Variants in HELT observed in about 807,000 individuals in gnomAD.
The protein encoded by HELT is hairy and enhancer of split-related protein HELT.
Under a neutral mutation model 19.5 loss-of-function variants are expected in HELT, and 9 were observed. The ratio of observed to expected loss-of-function variants is 0.46; its 90% confidence interval spans 0.28 to 0.80. The LOEUF (loss-of-function observed/expected upper bound fraction) is 0.80. Ranked by LOEUF, HELT falls within the 30% of genes least tolerant of loss-of-function variation. The probability of loss-of-function intolerance (pLI) is 0.12; values close to 1 mark genes in which losing one functional copy is unlikely to be tolerated. For missense variants in HELT, 366 were observed against 326.3 expected (o/e 1.12, Z -0.94); for synonymous variants, 162 against 148.3 (o/e 1.09, Z -0.67).
At chr4:185,020,225 A>T in intron 3 of HELT, 48 bp from the exon 4 acceptor site, 1 of 1,582,132 alleles carries the variant, frequency 6.3e-7, no homozygotes, top group Non-Finnish European at 8.6e-7. Context: ...CGCGTGGGGA[A>T]GGGGCACTCA....
At position 185,018,698 on chromosome 4, in the gene HELT, A is replaced by C; in HGVS notation, c.-231A>C. On this transcript the variant is annotated 5_prime_UTR_variant, in exon 1 of 4. Coordinates refer to ENST00000515777, the MANE Select transcript of HELT (RefSeq NM_001300781.2). ...GGCTGCTAATTTTTTTTTTTTCTTAACTTCTTTAAAACTGATCTTGAATGC... is the reference window on the plus strand; with the variant it reads ...GGCTGCTAATTTTTTTTTTTTCTTACCTTCTTTAAAACTGATCTTGAATGC... 1 of 401,704 alleles carries C rather than the reference A, an allele frequency of 2.5e-6. No individual in the cohort carries two copies. The highest frequency in any genetic ancestry group is 1.3e-4 in the South Asian group (1 of 7,840). The allele number at this position is 401,704 out of a possible 1,614,324, so 24.9% of individuals were successfully genotyped here. A position where few individuals can be genotyped will look rare whatever the true frequency, so the allele number is the denominator to read the frequency against.
rs746366895 is a variant in HELT, at chr4:185,020,580, G to T, written c.537G>T (p.Pro179=). 5 of 1,593,538 alleles carry T rather than the reference G, an allele frequency of 3.1e-6. No individual in the cohort carries two copies. The South Asian group carries it at 4.4e-5, about 14-fold the overall frequency. ...CTGGTGCCGGGCCTTTCCCCTGGCCGCCTGGCGCGGCCCGCAGCCCCGCGC... is the reference window on the plus strand; with the variant it reads ...CTGGTGCCGGGCCTTTCCCCTGGCCTCCTGGCGCGGCCCGCAGCCCCGCGC... ...QGSGAGPFPW[P]PGAARSPALP... The change falls in exon 4 of 4, where the codon CCG becomes CCT. Residue 179 remains proline, a synonymous_variant. Transcript: ENST00000515777.
rs1204640700 is a variant in HELT, at chr4:185,020,842, C to T, written c.*70C>T. ...GGAGAAATGCTGTATATATTGTACA[C>T]ATAATGTGTAAATATTGTACCCCAA... On this transcript the variant is annotated 3_prime_UTR_variant, in exon 4 of 4. Transcript: ENST00000515777. 3 of 1,450,832 alleles carry T rather than the reference C, an allele frequency of 2.1e-6. No individual in the cohort carries two copies. Among genetic ancestry groups the T allele is most frequent in the Non-Finnish European group, 2.7e-6 (3 of 1,107,232 alleles). 89.9% of individuals were successfully genotyped at this position (1,450,832 alleles called of 1,614,324 possible).
chr4:185,020,565 G>T lies in HELT; in HGVS notation c.522G>T (p.Gly174=). The T allele has an allele frequency of 1.2e-6, 2 of 1,600,122 alleles. No homozygotes were observed. The highest frequency in any genetic ancestry group is 1.7e-6 in the Non-Finnish European group (2 of 1,177,120). The change falls in exon 4 of 4, where the codon GGG becomes GGT. Residue 174 remains glycine (G), a synonymous_variant. Transcript: ENST00000515777. ...TGTTCCCGCAGGGCTCTGGTGCCGG[G>T]CCTTTCCCCTGGCCGCCTGGCGCGG... is the stretch of plus-strand genomic sequence containing the variant. ...AAVFPQGSGA[G]PFPWPPGAAR...
Position 185,020,368 on chromosome 4 carries a change from G to A in HELT, c.325G>A (p.Glu109Lys), listed in dbSNP as rs968446426. ...VHYLTTVERM[E>K]TKDTKYARIL... is the part of the protein sequence containing the mutation. ...TTACCTCACCACGGTGGAGCGGATG[G>A]AGACCAAGGACACGAAGTACGCGCG... Residue 109 changes from glutamate (E) to lysine (K), a missense_variant, in exon 4 of 4, where the codon GAG (glutamate) becomes AAG (lysine). By Grantham distance (56) the Glu-to-Lys change is moderately conservative (BLOSUM62 1). Transcript: ENST00000515777. 1.9e-6 allele frequency: 3 copies of A among 1,614,098 alleles called. No homozygotes were observed. The highest frequency in any genetic ancestry group is 2.7e-5 in the African/African-American group (2 of 74,930).
intron 1 of HELT, 141 bp from the exon 2 acceptor site, chr4:185,019,246 T>C (rs896970622): frequency 4.3e-5 from 49 of 1,143,328 alleles, no homozygotes; most frequent in Non-Finnish European, 5.8e-5. Flanking sequence ...GGCCCGAGCG[T>C]GGCGGGCCAG....
Position 185,020,467 on chromosome 4 carries a change from G to A in HELT, c.424G>A (p.Glu142Lys), listed in dbSNP as rs1286242085. Residue 142 changes from glutamate (E) to lysine (K), a missense_variant, in exon 4 of 4, where the codon GAG (glutamate) becomes AAG (lysine). Transcript: ENST00000515777. ...CTTTCCGCCGCTGGGTTCGCTCCCG[G>A]AGCCGGATTTCTCCTATCAGCTGCA... ...PAFPPLGSLPEPDFSYQLHPA... is the reference protein window; with the variant it reads ...PAFPPLGSLPKPDFSYQLHPA... The A allele has an allele frequency of 1.9e-6, 3 of 1,613,768 alleles. No individual in the cohort carries two copies. The highest frequency in any genetic ancestry group is 2.7e-5 in the African/African-American group (2 of 74,954).
At position 185,019,781 on chromosome 4, in the gene HELT, A is replaced by G. The variant is rs1459224083; in HGVS notation, c.167A>G (p.Glu56Gly). 6.2e-7 allele frequency: 1 copy of G among 1,613,650 alleles called. No homozygotes were observed. The highest frequency in any genetic ancestry group is 1.7e-5 in the Admixed American group (1 of 59,996). Reference sequence around the variant, plus strand: ...AAGCTGGAGAAGGCGGAGATCCTCGAGATGACCGTTCAGTACCTGAGAGCA... The same window carrying G: ...AAGCTGGAGAAGGCGGAGATCCTCGGGATGACCGTTCAGTACCTGAGAGCA... ...SGKLEKAEIL[E>G]MTVQYLRALH... Residue 56 changes from glutamate to glycine, a missense_variant, in exon 3 of 4, where the codon GAG becomes GGG. Coordinates refer to ENST00000515777, the MANE Select transcript of HELT (RefSeq NM_001300781.2).
Position 185,020,328 on chromosome 4 carries a change from G to A in HELT, c.285G>A (p.Met95Ile). 1 of 1,614,238 alleles carries A rather than the reference G, an allele frequency of 6.2e-7. No homozygotes were observed. The highest frequency in any genetic ancestry group is 8.5e-7 in the Non-Finnish European group (1 of 1,180,046). ...NYFHYGYHEC[M>I]KNLVHYLTTV... ...TCCACTATGGCTACCACGAGTGCAT[G>A]AAGAACCTGGTGCATTACCTCACCA... Residue 95 changes from methionine to isoleucine, a missense_variant, in exon 4 of 4, where the codon ATG (methionine) becomes ATA (isoleucine). Transcript: ENST00000515777.
At position 185,020,558 on chromosome 4, in the gene HELT, G is replaced by C; in HGVS notation, c.515G>C (p.Gly172Ala). The C allele has an allele frequency of 2.5e-6, 4 of 1,602,476 alleles. No homozygotes were observed. The highest frequency in any genetic ancestry group is 3.4e-6 in the Non-Finnish European group (4 of 1,177,914). Residue 172 changes from glycine (G) to alanine (A), a missense_variant, in exon 4 of 4, where the codon GGT (glycine) becomes GCT (alanine). Transcript: ENST00000515777. The part of the protein sequence containing the change: ...GEAAVFPQGS[G>A]AGPFPWPPGA... ...GCCGCTGTGTTCCCGCAGGGCTCTG[G>C]TGCCGGGCCTTTCCCCTGGCCGCCT...
chr4:185,019,932 C>T, intron 3 of HELT, 89 bp downstream of exon 3: 4 of 1,204,202 alleles, frequency 3.3e-6, no homozygotes, highest in Non-Finnish European at 4.7e-6. Flanking sequence ...ACTGAGTGTT[C>T]CCGAGAGCTC....
Position 185,020,236 on chromosome 4 carries a change from G to A in HELT, c.230-37G>A, listed in dbSNP as rs757999982. 2.6e-5 allele frequency: 41 copies of A among 1,595,580 alleles called. No homozygotes were observed. In the South Asian group the frequency reaches 3.9e-4, roughly 15 times the overall value. ...GGCTCGCGTGGGGAAGGGGCACTCA[G>A]GGTGTGTCCGTCCTACGGGCTTTCT... On this transcript the variant is annotated intron_variant, in intron 3 of 3. Coordinates refer to ENST00000515777, the MANE Select transcript of HELT (RefSeq NM_001300781.2).
Position 185,018,670 on chromosome 4 carries a change from CT to C in HELT, c.-258del, listed in dbSNP as rs1232171484. ...GCTGATCTGCCCCCAGCTCGCCCCC[CT>C]CGGCTGCTAATTTTTTTTTTTTCTT... On this transcript the variant is annotated 5_prime_UTR_variant, in exon 1 of 4. Transcript: ENST00000515777. 6.6e-6 allele frequency among the ~76,000 whole-genome samples: 1 copy of C among 152,196 alleles called. No homozygotes were observed. The highest frequency in any genetic ancestry group is 1.5e-5 in the Non-Finnish European group (1 of 68,020).
In HELT at chr4:185,018,869, GCGGAAAAGTGGACGGGTGCCCCGCGCCAC is replaced by G; in HGVS notation, c.-57_-29del. 1 of 1,531,622 alleles carries G rather than the reference GCGGAAAAGTGGACGGGTGCCCCGCGCCAC, an allele frequency of 6.5e-7. No homozygotes were observed. Among genetic ancestry groups the G allele is most frequent in the Non-Finnish European group, 8.8e-7 (1 of 1,131,636 alleles). 94.9% of individuals were successfully genotyped at this position (1,531,622 alleles called of 1,614,324 possible). A position where few individuals can be genotyped will look rare whatever the true frequency, so the allele number is the denominator to read the frequency against. On this transcript the variant is annotated 5_prime_UTR_variant, in exon 1 of 4. Coordinates refer to ENST00000515777, the MANE Select transcript of HELT (RefSeq NM_001300781.2). ...TGGGACACTCGAGGAGGCACACGAG[GCGGAAAAGTGGACGGGTGCCCCGCGCCAC>G]CGCCTCTCCCGAGGGCGCGTACTGA... is the stretch of plus-strand genomic sequence containing the variant.
chr4:185,020,181 T>C (rs1734026860), intron 3 of HELT, 92 bp from the exon 4 acceptor site: 2 of 1,529,656 alleles, frequency 1.3e-6, no homozygotes, highest in East Asian at 4.5e-5. Flanking sequence ...GGCCAGAAAA[T>C]GTGGTGGGAG....
At chr4:185,020,189 G>C (rs1734028176) in intron 3 of HELT, 84 bp from the exon 4 acceptor site, 1 of 1,545,648 alleles carries the variant, frequency 6.5e-7, no homozygotes, top group Admixed American at 1.8e-5. Context: ...AATGTGGTGG[G>C]AGGTGCCCTG....
chr4:185,020,918 C>T lies in HELT; in HGVS notation c.*146C>T, dbSNP rs989548913. ...GCGAATGAGTCTTCTGAAGGATCTC[C>T]CCCTGGTAATAAACGTTTTCTGATA... On this transcript the variant is annotated 3_prime_UTR_variant, in exon 4 of 4. Coordinates refer to ENST00000515777, the MANE Select transcript of HELT (RefSeq NM_001300781.2). The T allele has an allele frequency of 2.7e-5, 26 of 968,470 alleles. No homozygotes were observed. In the East Asian group the frequency reaches 3.0e-4, roughly 11 times the overall value. 60.0% of individuals were successfully genotyped at this position (968,470 alleles called of 1,614,324 possible). A position where few individuals can be genotyped will look rare whatever the true frequency, so the allele number is the denominator to read the frequency against.
Position 185,020,440 on chromosome 4 carries a change from G to A in HELT, c.397G>A (p.Ala133Thr). 1 of 1,614,062 alleles carries A rather than the reference G, an allele frequency of 6.2e-7. No homozygotes were observed. The highest frequency in any genetic ancestry group is 8.5e-7 in the Non-Finnish European group (1 of 1,180,040). ...CAAGGCCCGCCTGGGCGCGGAGCCC[G>A]CCTTTCCGCCGCTGGGTTCGCTCCC... is the stretch of plus-strand genomic sequence containing the variant. ...QSKARLGAEPAFPPLGSLPEP... is the reference protein window; with the variant it reads ...QSKARLGAEPTFPPLGSLPEP... The change falls in exon 4 of 4, where the codon GCC becomes ACC. Residue 133 changes from alanine to threonine, a missense_variant. Physicochemically the swap from Ala to Thr is moderately conservative, Grantham distance 58. Transcript: ENST00000515777.
intron 2 of HELT, 85 bp downstream of exon 2, chr4:185,019,576 A>C: frequency 6.4e-7 from 1 of 1,553,094 alleles, no homozygotes; most frequent in Non-Finnish European, 8.7e-7. Flanking sequence ...CCGCGGACAC[A>C]GAGGACCTCA....
Sources: gnomAD v4.1 joint callset for allele counts (sites outside exome capture counted in the v4.1 genomes callset) on GRCh38, gnomAD v4.1.1 for gene constraint, MANE v1.5 for transcripts, NCBI Gene and HGNC (gene_info 2026-07-23, HGNC 2026-07-21) for gene names.